Variants in ZNF257 observed in about 807,000 individuals in gnomAD.
ZNF257 encodes bone marrow zinc finger 4.
ZNF257 carries 12 observed loss-of-function variants against 11.9 expected under a neutral mutation model. The observed-to-expected ratio is 1.01, with a 90% CI of 0.65 to 1.63. The LOEUF (loss-of-function observed/expected upper bound fraction) is 1.63, where lower values mean the gene tolerates loss of function less well. Ranked by LOEUF, ZNF257 falls within the 40% of genes most tolerant of loss-of-function variation. ZNF257 has a pLI of 0.00. For missense variants in ZNF257, 580 were observed against 665.5 expected (o/e 0.87, Z 1.41); for synonymous variants, 183 against 222.7 (o/e 0.82, Z 1.59).
chr19:22,077,384 A>C (rs2022252892), intron 3 of ZNF257, among the ~76,000 whole-genome samples: 1 of 152,112 alleles, frequency 6.6e-6, no homozygotes. Context: ...GACTTCCAGA[A>C]ATTTTCCATC....
intron 3 of ZNF257, chr19:22,074,578 C>G (rs1478838154): frequency 6.6e-6 from 1 of 152,132 alleles, no homozygotes; most frequent in Non-Finnish European, 1.5e-5. Context: ...TCTCGAACTC[C>G]TGACCTCAGA....
In ZNF257 at chr19:22,088,030, T is replaced by C; in HGVS notation, c.280T>C (p.Phe94Leu). Residue 94 changes from phenylalanine to leucine, a missense_variant, in exon 4 of 4, where the codon TTT (phenylalanine) becomes CTT (leucine). Transcript: ENST00000594947. ...DLCPERDIKY[F>L]FQKVILRRYD... ...TTGCCCAGAGCGAGACATAAAATATTTTTTCCAAAAAGTCATACTGAGGAG... is the reference window on the plus strand; with the variant it reads ...TTGCCCAGAGCGAGACATAAAATATCTTTTCCAAAAAGTCATACTGAGGAG... 6.4e-7 allele frequency: 1 copy of C among 1,569,554 alleles called. No individual in the cohort carries two copies. The highest frequency in any genetic ancestry group is 1.2e-5 in the South Asian group (1 of 84,918).
intron 1 of ZNF257, among the ~76,000 whole-genome samples, chr19:22,056,744 C>G (rs1275864943): frequency 1.3e-5 from 2 of 152,078 alleles, no homozygotes; most frequent in Admixed American, 6.5e-5. Flanking sequence ...TCCCAAAATG[C>G]TGGGATTACA....
intron 1 of ZNF257, chr19:22,066,479 T>C: frequency 6.5e-6 from 1 of 152,700 alleles, no homozygotes; most frequent in Non-Finnish European, 1.5e-5. Flanking sequence ...TGCTGTGGGC[T>C]GTGCCTCAGT....
rs1463720347 is a variant in ZNF257 at position 22,053,258 on chromosome 19, C to G, written c.3+623C>G. 2.0e-5 allele frequency among the ~76,000 whole-genome samples: 3 copies of G among 149,972 alleles called. No individual in the cohort carries two copies. In the East Asian group the frequency reaches 6.1e-4, roughly 30 times the overall value. On this transcript the variant is annotated intron_variant, in intron 1 of 3. Transcript: ENST00000594947. ...TGGCATGTGCCTATAATCCCAGCTA[C>G]TCAGGAGGCTGAGGCAGGAGAATCG... is the stretch of plus-strand genomic sequence containing the variant.
At chr19:22,073,335 A>G in intron 2 of ZNF257, 134 bp from the exon 3 acceptor site, 1 of 1,100,720 alleles carries the variant, frequency 9.1e-7, no homozygotes, top group Non-Finnish European at 1.2e-6. Flanking sequence ...AATATTTAGA[A>G]ATTTCTGTTA....
chr19:22,085,019 G>A (rs760222878), intron 3 of ZNF257, among the ~76,000 whole-genome samples: 10 of 149,532 alleles, frequency 6.7e-5, no homozygotes, highest in African/African-American at 9.8e-5. Flanking sequence ...ATGAGTCACC[G>A]TGCCTGGCCA....
At chr19:22,083,345 G>T (rs902001753) in intron 3 of ZNF257, among the ~76,000 whole-genome samples, 1 of 151,886 alleles carries the variant, frequency 6.6e-6, no homozygotes, top group Non-Finnish European at 1.5e-5. Flanking sequence ...GGTGGTGGGC[G>T]CCTGTAATCC....
intron 1 of ZNF257, among the ~76,000 whole-genome samples, chr19:22,069,640 ATTG>A (rs1325561370): frequency 6.6e-6 from 1 of 152,168 alleles, no homozygotes; most frequent in Admixed American, 6.5e-5. Context: ...AAAAAACAAT[ATTG>A]TTGTGACTTC....
chr19:22,089,383 T>TA lies in ZNF257; in HGVS notation c.1634dup (p.Tyr545Ter). The change falls in exon 4 of 4, where the codon TAT becomes TAAT. Residue 545 changes from tyrosine (Y) to a stop codon, truncating the protein, a stop_gained and frameshift_variant. Transcript: ENST00000594947. LOFTEE classifies it low-confidence loss of function (END_TRUNC). ...TCATGCTGGAGAGAACCCCAACAAA[T>TA]ATGAAGAATGTGGCAAAGCTTGTAA... ...RIHAGENPNKYEECGKACNHS... is the reference protein window; with the variant it reads ...RIHAGENPNK The TA allele has an allele frequency of 6.2e-7, 1 of 1,612,918 alleles. No homozygotes were observed. Among genetic ancestry groups the TA allele is most frequent in the Non-Finnish European group, 8.5e-7 (1 of 1,179,432 alleles).
In ZNF257 at chr19:22,063,722, G is replaced by T. The variant is rs554593665; in HGVS notation, c.4-9087G>T. On this transcript the variant is annotated intron_variant, in intron 1 of 3. Coordinates refer to ENST00000594947, the MANE Select transcript of ZNF257 (RefSeq NM_033468.4). ...TCAACAATCTGTTGTCTCCATGTGT[G>T]GTTGGTATAATGTAGGGATTTTTGT... Among the ~76,000 whole-genome samples, 40 of 152,214 alleles carry T rather than the reference G, an allele frequency of 2.6e-4. 1 individual carries two copies. In the South Asian group the frequency reaches 7.7e-3, roughly 29 times the overall value.
rs767361593 is a variant in ZNF257 at position 22,064,451 on chromosome 19, GAC to G, written c.4-8356_4-8355del. The G allele has an allele frequency of 1.6e-4, 25 of 151,990 alleles. 1 individual carries two copies. The highest frequency in any genetic ancestry group is 3.4e-4 in the Non-Finnish European group (23 of 67,994). The allele number at this position is 151,990 out of a possible 1,614,324, so 9.4% of individuals were successfully genotyped here. A position where few individuals can be genotyped will look rare whatever the true frequency, so the allele number is the denominator to read the frequency against. ...CTTTCATTTTTAGTCTTTTAAAGTC[GAC>G]AGTTTTGTTTATATCAAAGCTTATT... On this transcript the variant is annotated intron_variant, in intron 1 of 3. Coordinates refer to ENST00000594947, the MANE Select transcript of ZNF257 (RefSeq NM_033468.4).
chr19:22,077,598 G>A (rs1483973416), intron 3 of ZNF257, among the ~76,000 whole-genome samples: 1 of 151,986 alleles, frequency 6.6e-6, no homozygotes, highest in Non-Finnish European at 1.5e-5. Context: ...CTTCAAATGT[G>A]ACAAGATTTT....
rs960785983 is a variant in ZNF257 at position 22,089,323 on chromosome 19, A to C, written c.1573A>C (p.Asn525His). The part of the protein sequence containing the change: ...YKCEECGKPF[N>H]RFSYLTVHKR... ...ATGTGAAGAATGTGGCAAGCCTTTTAATCGTTTCTCATACCTTACCGTACA... is the reference window on the plus strand; with the variant it reads ...ATGTGAAGAATGTGGCAAGCCTTTTCATCGTTTCTCATACCTTACCGTACA... The change falls in exon 4 of 4, where the codon AAT becomes CAT. Residue 525 changes from asparagine (N) to histidine (H), a missense_variant. Coordinates refer to ENST00000594947, the MANE Select transcript of ZNF257 (RefSeq NM_033468.4). 1.9e-6 allele frequency: 3 copies of C among 1,613,842 alleles called. No homozygotes were observed. The highest frequency in any genetic ancestry group is 1.3e-5 in the African/African-American group (1 of 75,010).
intron 1 of ZNF257, among the ~76,000 whole-genome samples, chr19:22,070,186 A>G (rs749579568): frequency 3.9e-5 from 6 of 152,164 alleles, no homozygotes; most frequent in Non-Finnish European, 8.8e-5. Flanking sequence ...GAGACATTCC[A>G]TTTAGCAACT....
intron 3 of ZNF257, among the ~76,000 whole-genome samples, chr19:22,084,033 G>A (rs986208723): frequency 2.0e-5 from 3 of 151,742 alleles, no homozygotes; most frequent in African/African-American, 4.9e-5. Flanking sequence ...CTAGCTATTC[G>A]GGGGGCCAAG....
chr19:22,070,548 A>G (rs572179515), intron 1 of ZNF257, among the ~76,000 whole-genome samples: 27 of 152,076 alleles, frequency 1.8e-4, no homozygotes, highest in African/African-American at 5.8e-4. Flanking sequence ...ACACTTGTAC[A>G]TGTTATTTAA....
In ZNF257 at chr19:22,053,571, A is replaced by G. The variant is rs140373029; in HGVS notation, c.3+936A>G. ...TTCCTTGTTATGTAATCAGAGGTTAAATGGTAGTGTATAGTTGGCTACGCC... is the reference window on the plus strand; with the variant it reads ...TTCCTTGTTATGTAATCAGAGGTTAGATGGTAGTGTATAGTTGGCTACGCC... On this transcript the variant is annotated intron_variant, in intron 1 of 3. Coordinates refer to ENST00000594947, the MANE Select transcript of ZNF257 (RefSeq NM_033468.4). 2.5e-3 allele frequency among the ~76,000 whole-genome samples: 382 copies of G among 152,234 alleles called. 1 individual carries two copies. The highest frequency in any genetic ancestry group is 8.9e-3 in the African/African-American group (369 of 41,548).
At chr19:22,053,986 C>G (rs1447256754) in intron 1 of ZNF257, among the ~76,000 whole-genome samples, 1 of 151,978 alleles carries the variant, frequency 6.6e-6, no homozygotes, top group African/African-American at 2.4e-5. Context: ...AAGTAGAAAT[C>G]CAGGGACTAG....
Sources: allele counts gnomAD v4.1 joint callset (sites outside exome capture counted in the v4.1 genomes callset), GRCh38; gene constraint gnomAD v4.1.1; transcripts MANE v1.5; gene names NCBI Gene and HGNC (gene_info 2026-07-23, HGNC 2026-07-21).